PLCL1: variants seen among roughly 807,000 people sequenced by gnomAD.
PLCL1 encodes the protein phospholipase C like 1 (inactive), also known as inactive phospholipase C-like protein 1.
A neutral mutation model predicts 84.4 loss-of-function variants in PLCL1; 41 were observed. The ratio of observed to expected loss-of-function variants is 0.49; its 90% confidence interval spans 0.38 to 0.63. PLCL1 has a LOEUF of 0.63. Among genes scored for constraint, PLCL1 ranks in the 30% least tolerant of loss-of-function variants. The pLI is 0.00. For missense variants in PLCL1, 1,206 were observed against 1,367.8 expected (o/e 0.88, Z 1.87); for synonymous variants, 490 against 488.3 (o/e 1.00, Z -0.05).
At chr2:198,138,798 C>T (rs577209897) in intron 5 of PLCL1, among the ~76,000 whole-genome samples, 103 of 152,216 alleles carry the variant, frequency 6.8e-4, no homozygotes, top group African/African-American at 2.3e-3. Context: ...TCCGCCTGGG[C>T]CCCACAAAGT....
intron 1 of PLCL1, among the ~76,000 whole-genome samples, chr2:197,884,278 G>A (rs527648175): frequency 2.0e-5 from 3 of 152,340 alleles, no homozygotes; most frequent in Non-Finnish European, 1.5e-5. Context: ...CAAAGTGGAT[G>A]TTGGAGCTCC....
At chr2:197,912,799 TGGGGGG>T (rs1688510023) in intron 1 of PLCL1, among the ~76,000 whole-genome samples, 3 of 5,120 alleles carry the variant, frequency 5.9e-4, no homozygotes, top group East Asian at 0.02. Context: ...CGTGGTGGGG[TGGGGGG>T]TGGGGGGAGG....
chr2:197,831,797 A>G (rs1367216465), intron 1 of PLCL1, among the ~76,000 whole-genome samples: 1 of 152,216 alleles, frequency 6.6e-6, no homozygotes, highest in Non-Finnish European at 1.5e-5. Flanking sequence ...ATGCTAAAGA[A>G]CGGAAATAAT....
At chr2:198,051,490 T>C (rs954498110) in intron 1 of PLCL1, among the ~76,000 whole-genome samples, 1 of 152,232 alleles carries the variant, frequency 6.6e-6, no homozygotes. Flanking sequence ...TGAAAATTTA[T>C]ATTCTTGTTT....
intron 5 of PLCL1, among the ~76,000 whole-genome samples, chr2:198,117,678 T>A (rs1045226899): frequency 1.4e-4 from 22 of 151,910 alleles, no homozygotes; most frequent in African/African-American, 4.6e-4. Context: ...ACCAAGAAAC[T>A]GATATCTAAG....
chr2:198,095,219 C>T (rs191898123), intron 3 of PLCL1, among the ~76,000 whole-genome samples: 5 of 152,176 alleles, frequency 3.3e-5, no homozygotes, highest in East Asian at 1.9e-4. Flanking sequence ...TATTTTACTG[C>T]GATTCTTCTT....
At chr2:198,091,640 A>G (rs1693039230) in intron 3 of PLCL1, among the ~76,000 whole-genome samples, 1 of 151,868 alleles carries the variant, frequency 6.6e-6, no homozygotes, top group South Asian at 2.1e-4. Flanking sequence ...AGACTGCGCC[A>G]TCGCACTCCA....
intron 1 of PLCL1, among the ~76,000 whole-genome samples, chr2:197,833,591 A>G (rs1162980196): frequency 6.6e-6 from 1 of 152,224 alleles, no homozygotes; most frequent in Non-Finnish European, 1.5e-5. Context: ...CTACAAAAAG[A>G]ATAAAATACA....
intron 1 of PLCL1, among the ~76,000 whole-genome samples, chr2:197,920,657 T>A (rs917343286): frequency 2.0e-5 from 3 of 152,190 alleles, no homozygotes; most frequent in African/African-American, 7.2e-5. Flanking sequence ...TTACAGACAG[T>A]GTCTAGTGTA....
At chr2:198,065,856 T>C (rs965162433) in intron 1 of PLCL1, among the ~76,000 whole-genome samples, 1 of 152,190 alleles carries the variant, frequency 6.6e-6, no homozygotes, top group African/African-American at 2.4e-5. Context: ...TTTTATATTA[T>C]GCCATTTTTA....
chr2:198,137,675 C>T (rs980642091), intron 5 of PLCL1, among the ~76,000 whole-genome samples: 15 of 152,188 alleles, frequency 9.9e-5, no homozygotes, highest in African/African-American at 3.4e-4. Flanking sequence ...GCCTGCTCAT[C>T]TTGCAAATCA....
chr2:197,872,101 C>T (rs893058922), intron 1 of PLCL1, among the ~76,000 whole-genome samples: 1 of 152,104 alleles, frequency 6.6e-6, no homozygotes, highest in Non-Finnish European at 1.5e-5. Context: ...ATTTACAATG[C>T]TGGAAGATGT....
intron 5 of PLCL1, among the ~76,000 whole-genome samples, chr2:198,133,021 G>A (rs945641945): frequency 4.0e-5 from 6 of 151,266 alleles, no homozygotes; most frequent in Admixed American, 6.6e-5. Flanking sequence ...TGTAAGGAAG[G>A]GATCCAGTTT....
intron 1 of PLCL1, among the ~76,000 whole-genome samples, chr2:197,927,916 G>A (rs999935703): frequency 6.6e-6 from 1 of 152,148 alleles, no homozygotes; most frequent in Non-Finnish European, 1.5e-5. Flanking sequence ...AGCAAATATG[G>A]TGTAGTTTTC....
chr2:198,105,423 G>A (rs2105915226), intron 5 of PLCL1, among the ~76,000 whole-genome samples: 1 of 152,056 alleles, frequency 6.6e-6, no homozygotes, highest in Non-Finnish European at 1.5e-5. Context: ...CTGTAGCCTT[G>A]TAGTATCGTT....
chr2:198,018,387 T>C (rs1245386508), intron 1 of PLCL1, among the ~76,000 whole-genome samples: 1 of 152,088 alleles, frequency 6.6e-6, no homozygotes, highest in Non-Finnish European at 1.5e-5. Flanking sequence ...ACAGAACCGT[T>C]CACTCCCCTG....
intron 1 of PLCL1, among the ~76,000 whole-genome samples, chr2:197,955,539 C>A (rs1012978372): frequency 1.3e-5 from 2 of 149,166 alleles, no homozygotes; most frequent in East Asian, 4.1e-4. Context: ...CCTCCCCTTA[C>A]TCCCCCATCC....
At chr2:197,827,461 G>A (rs1381280421) in intron 1 of PLCL1, among the ~76,000 whole-genome samples, 2 of 151,882 alleles carry the variant, frequency 1.3e-5, no homozygotes, top group Admixed American at 6.6e-5. Flanking sequence ...TGCTTTCTTC[G>A]AAACTGGCAC....
At chr2:197,913,367 C>A (rs1365546954) in intron 1 of PLCL1, among the ~76,000 whole-genome samples, 1 of 152,174 alleles carries the variant, frequency 6.6e-6, no homozygotes, top group Non-Finnish European at 1.5e-5. Context: ...ATCACTAAAG[C>A]CTTTTTAGCA....
Sources: allele counts gnomAD v4.1 joint callset (sites outside exome capture counted in the v4.1 genomes callset), GRCh38; gene constraint gnomAD v4.1.1; transcripts MANE v1.5; gene names NCBI Gene and HGNC (gene_info 2026-07-23, HGNC 2026-07-21).